The following DKK2 variants were observed in gnomAD, a reference collection of about 807,000 sequenced individuals.
DKK2 encodes dickkopf Wnt signaling pathway inhibitor 2, also known as dickkopf-related protein 2.
A neutral mutation model predicts 28.1 loss-of-function variants in DKK2; 11 were observed. The ratio of observed to expected loss-of-function variants is 0.39; its 90% CI spans 0.25 to 0.65. DKK2 has a LOEUF of 0.65. Ranked by LOEUF, DKK2 falls within the 30% of genes least tolerant of loss-of-function variation. The pLI, the probability that DKK2 is intolerant of heterozygous loss-of-function variation, is 0.47. For synonymous variants in DKK2, 135 were observed against 126.5 expected (o/e 1.07, Z -0.45); for missense variants, 326 against 335.5 (o/e 0.97, Z 0.22).
intron 1 of DKK2, among the ~76,000 whole-genome samples, chr4:107,012,998 T>C (rs1723537400): frequency 6.6e-6 from 1 of 150,946 alleles, no homozygotes; most frequent in African/African-American, 2.4e-5. Flanking sequence ...ACCACAAGAG[T>C]GAACCCACCA....
At chr4:107,001,821 G>C (rs1475699391) in intron 1 of DKK2, among the ~76,000 whole-genome samples, 1 of 152,084 alleles carries the variant, frequency 6.6e-6, no homozygotes, top group Non-Finnish European at 1.5e-5. Context: ...ATAAGGAAAG[G>C]GTGCATCTAT....
chr4:107,026,799 C>A (rs1277048382), intron 1 of DKK2, among the ~76,000 whole-genome samples: 1 of 152,092 alleles, frequency 6.6e-6, no homozygotes, highest in African/African-American at 2.4e-5. Context: ...AAGGATTTTT[C>A]TGTTGTGGTT....
intron 1 of DKK2, among the ~76,000 whole-genome samples, chr4:107,015,565 A>C (rs753773346): frequency 1.3e-5 from 2 of 151,706 alleles, no homozygotes; most frequent in Admixed American, 6.6e-5. Flanking sequence ...TAGTATTCTT[A>C]CCTTTAAAAC....
intron 1 of DKK2, among the ~76,000 whole-genome samples, chr4:106,967,265 T>A (rs1722796634): frequency 6.6e-6 from 1 of 152,108 alleles, no homozygotes; most frequent in Non-Finnish European, 1.5e-5. Flanking sequence ...CAAACTTAGA[T>A]AAGTAGTCTG....
At chr4:106,963,059 T>TCAAAA (rs201722038) in intron 1 of DKK2, among the ~76,000 whole-genome samples, 12 of 141,872 alleles carry the variant, frequency 8.5e-5, no homozygotes, top group African/African-American at 1.6e-4. Flanking sequence ...AAACTGCGTC[T>TCAAAA]CAAAACAAAA....
At chr4:107,018,293 C>T (rs761858478) in intron 1 of DKK2, among the ~76,000 whole-genome samples, 5 of 152,152 alleles carry the variant, frequency 3.3e-5, no homozygotes, top group Non-Finnish European at 7.4e-5. Context: ...GTCAGACCGG[C>T]CCAGCTGTAC....
chr4:106,950,785 T>G (rs1724847139), intron 1 of DKK2, among the ~76,000 whole-genome samples: 1 of 152,188 alleles, frequency 6.6e-6, no homozygotes, highest in South Asian at 2.1e-4. Context: ...AATTATAATA[T>G]GCATATAAAA....
intron 1 of DKK2, among the ~76,000 whole-genome samples, chr4:107,026,069 C>T (rs77619729): frequency 0.012 from 1,829 of 152,246 alleles, 45 homozygotes; most frequent in African/African-American, 0.042. Flanking sequence ...CAGATTTCCT[C>T]GTGTGTAAAA....
intron 1 of DKK2, among the ~76,000 whole-genome samples, chr4:106,930,322 C>G (rs1340506101): frequency 1.3e-5 from 2 of 152,060 alleles, no homozygotes; most frequent in Admixed American, 1.3e-4. Flanking sequence ...CTCAAAACTG[C>G]AGGAAGAAAA....
rs781374118 is a variant in DKK2, at chr4:106,922,725, A to C, written c.*1229T>G. Reference sequence around the variant, plus strand: ...AATAAATAATTTGAGGATAGTACGGACACAGGACCTCACACTGAATTCATC... The same window carrying C: ...AATAAATAATTTGAGGATAGTACGGCCACAGGACCTCACACTGAATTCATC... On this transcript the variant is annotated 3_prime_UTR_variant, in exon 4 of 4. Transcript: ENST00000285311. 6.6e-6 allele frequency: 1 copy of C among 152,200 alleles called. No individual in the cohort carries two copies. The highest frequency in any genetic ancestry group is 1.5e-5 in the Non-Finnish European group (1 of 68,042). The allele number at this position is 152,200 out of a possible 1,614,324, so 9.4% of individuals were successfully genotyped here.
rs768787308 is a variant in DKK2 at position 107,035,471 on chromosome 4, A to G, written c.121T>C (p.Ser41Pro). ...SRAKLNSIKSSLGGETPGQAA... is the reference protein window; with the variant it reads ...SRAKLNSIKSPLGGETPGQAA... ...TGACCAGGCGTCTCCCCGCCCAGAG[A>G]GGACTTGATGGAGTTGAGTTTGGCC... The change falls in exon 1 of 4, where the codon TCT becomes CCT. Residue 41 changes from serine to proline, a missense_variant. Physicochemically the swap from Ser to Pro is moderately conservative, Grantham distance 74. Coordinates refer to ENST00000285311, the MANE Select transcript of DKK2 (RefSeq NM_014421.3). 1.8e-5 allele frequency: 29 copies of G among 1,614,116 alleles called. No individual in the cohort carries two copies. The highest frequency in any genetic ancestry group is 2.5e-5 in the Non-Finnish European group (29 of 1,180,024).
chr4:106,937,987 A>G (rs1464109998), intron 1 of DKK2, among the ~76,000 whole-genome samples: 1 of 143,480 alleles, frequency 7.0e-6, no homozygotes, highest in African/African-American at 2.6e-5. Context: ...AGGGAAATTT[A>G]TAGCACTAAA....
At chr4:106,949,848 GACCAA>G (rs1219671199) in intron 1 of DKK2, among the ~76,000 whole-genome samples, 4 of 151,848 alleles carry the variant, frequency 2.6e-5, no homozygotes, top group African/African-American at 9.7e-5. Context: ...TATCTATTAG[GACCAA>G]ACCAAACACC....
At position 106,924,200 on chromosome 4, in the gene DKK2, A is replaced by C. The variant is rs776127192; in HGVS notation, c.534T>G (p.His178Gln). Residue 178 changes from histidine to glutamine, a missense_variant, in exon 4 of 4, where the codon CAT becomes CAG. Physicochemically the swap from His to Gln is conservative, Grantham distance 24. Transcript: ENST00000285311. The part of the protein sequence containing the change: ...PHTKMSHIKG[H>Q]EGDPCLRSSD... ...ATGATCGTAGGCAGGGGTCTCCTTCATGCCCTGCAGAGATGATGACCAATA... is the reference window on the plus strand; with the variant it reads ...ATGATCGTAGGCAGGGGTCTCCTTCCTGCCCTGCAGAGATGATGACCAATA... 1 of 1,613,724 alleles carries C rather than the reference A, an allele frequency of 6.2e-7. No homozygotes were observed. Among genetic ancestry groups the C allele is most frequent in the African/African-American group, 1.3e-5 (1 of 74,882 alleles).
intron 1 of DKK2, among the ~76,000 whole-genome samples, chr4:106,979,789 A>C (rs1722999390): frequency 6.6e-6 from 1 of 152,186 alleles, no homozygotes; most frequent in Non-Finnish European, 1.5e-5. Context: ...AACTCGCTGC[A>C]CTCAGGCACA....
intron 1 of DKK2, among the ~76,000 whole-genome samples, chr4:106,957,646 C>T (rs1320613615): frequency 3.4e-5 from 5 of 147,534 alleles, no homozygotes; most frequent in Admixed American, 6.9e-5. Flanking sequence ...AGTAAACTAT[C>T]GCAAGGACAA....
intron 1 of DKK2, among the ~76,000 whole-genome samples, chr4:107,011,313 G>C (rs1006873289): frequency 7.3e-5 from 11 of 151,412 alleles, no homozygotes; most frequent in African/African-American, 2.4e-4. Context: ...GAAAATGTGG[G>C]TTCATAGAAT....
At chr4:106,944,963 C>G (rs1471979040) in intron 1 of DKK2, among the ~76,000 whole-genome samples, 2 of 152,024 alleles carry the variant, frequency 1.3e-5, no homozygotes, top group African/African-American at 4.8e-5. Context: ...CAGGTTGTTT[C>G]CACATTAAAA....
chr4:106,998,584 C>G (rs1723310610), intron 1 of DKK2, among the ~76,000 whole-genome samples: 1 of 152,162 alleles, frequency 6.6e-6, no homozygotes, highest in African/African-American at 2.4e-5. Context: ...AAACTCTTCA[C>G]TGCTTTCTTA....
Sources: allele counts gnomAD v4.1 joint callset (sites outside exome capture counted in the v4.1 genomes callset), GRCh38; gene constraint gnomAD v4.1.1; transcripts MANE v1.5; gene names NCBI Gene and HGNC (gene_info 2026-07-23, HGNC 2026-07-21).